Variants in UBE2E2 observed in about 807,000 individuals in gnomAD.
UBE2E2 encodes ubiquitin conjugating enzyme E2 E2, also known as ubiquitin-conjugating enzyme E2 E2.
In UBE2E2, 6 loss-of-function variants were observed where a neutral mutation model predicts 24.7. The observed-to-expected ratio is 0.24, with a 90% CI of 0.13 to 0.48. UBE2E2 has a LOEUF of 0.48. UBE2E2 is among the 20% of genes least tolerant of loss of function. The pLI, the probability that UBE2E2 is intolerant of heterozygous loss-of-function variation, is 0.99. For missense variants in UBE2E2, 169 were observed against 245.0 expected, an observed-to-expected ratio of 0.69 and a Z score of 2.07; for synonymous variants, 104 against 83.6, an observed-to-expected ratio of 1.24 and a Z score of -1.33.
chr3:23,466,730 G>A (rs1230011089), intron 3 of UBE2E2, among the ~76,000 whole-genome samples: 1 of 151,892 alleles, frequency 6.6e-6, no homozygotes, highest in East Asian at 1.9e-4. Flanking sequence ...ACCACCCTCA[G>A]CTAATTTTTT....
intron 3 of UBE2E2, chr3:23,270,936 C>T (rs1013747565): frequency 2.2e-5 from 10 of 456,596 alleles, no homozygotes; most frequent in African/African-American, 1.8e-4. Context: ...AGTTTATACT[C>T]CATTTGTTAA....
chr3:23,410,542 G>A (rs909933539), intron 3 of UBE2E2, among the ~76,000 whole-genome samples: 2 of 151,984 alleles, frequency 1.3e-5, no homozygotes, highest in East Asian at 1.9e-4. Flanking sequence ...TGAGGATTAG[G>A]GTTGAATAAT....
intron 4 of UBE2E2, among the ~76,000 whole-genome samples, chr3:23,525,599 A>G (rs1163099538): frequency 2.0e-5 from 3 of 152,248 alleles, no homozygotes; most frequent in Non-Finnish European, 4.4e-5. Flanking sequence ...CATTGTAAAC[A>G]TCAGTTATTG....
rs1559459151 is a variant in UBE2E2 at position 23,257,526 on chromosome 3, CCCACTT to C, written c.227+40215_227+40220del. On this transcript the variant is annotated intron_variant, in intron 3 of 5. Coordinates refer to ENST00000396703, the MANE Select transcript of UBE2E2 (RefSeq NM_152653.4). ...CTGTTTCCCGTGCCCCCCCCCCCCC[CCCACTT>C]TTTTTTTTTTTTTTTTTTTTTTAAG... Among the ~76,000 whole-genome samples the C allele has an allele frequency of 3.1e-3, 57 of 18,564 alleles. 1 individual carries two copies. Among genetic ancestry groups the C allele is most frequent in the African/African-American group, 7.0e-3 (35 of 5,000 alleles). The allele number at this position is 18,564 out of a possible 152,430, so 12.2% of individuals were successfully genotyped here.
chr3:23,319,569 G>A (rs536966595), intron 3 of UBE2E2, among the ~76,000 whole-genome samples: 14 of 152,160 alleles, frequency 9.2e-5, no homozygotes, highest in Middle Eastern at 6.8e-3. Context: ...GGTGGCTCAC[G>A]CCTGTAATCT....
intron 3 of UBE2E2, among the ~76,000 whole-genome samples, chr3:23,248,071 CA>C (rs1559455124): frequency 6.6e-6 from 1 of 152,244 alleles, no homozygotes; most frequent in Non-Finnish European, 1.5e-5. Flanking sequence ...ATTTCGTCCT[CA>C]TTTTTCACTA....
At chr3:23,493,884 A>G (rs1032603945) in intron 3 of UBE2E2, among the ~76,000 whole-genome samples, 13 of 152,212 alleles carry the variant, frequency 8.5e-5, no homozygotes, top group African/African-American at 2.9e-4. Flanking sequence ...AGCGTGTAAC[A>G]GCAAGCACAA....
chr3:23,580,416 G>A (rs748408123), intron 5 of UBE2E2, among the ~76,000 whole-genome samples: 3 of 152,166 alleles, frequency 2.0e-5, no homozygotes, highest in African/African-American at 4.8e-5. Flanking sequence ...AAAAGATTAC[G>A]ACTTACTGAA....
intron 3 of UBE2E2, among the ~76,000 whole-genome samples, chr3:23,464,490 G>A (rs978531862): frequency 8.5e-5 from 13 of 152,156 alleles, no homozygotes; most frequent in Middle Eastern, 3.4e-3. Flanking sequence ...AATAAGAATA[G>A]GGGAGATATA....
intron 3 of UBE2E2, among the ~76,000 whole-genome samples, chr3:23,348,450 C>G (rs989029949): frequency 5.3e-5 from 8 of 149,752 alleles, no homozygotes; most frequent in African/African-American, 2.0e-4. Context: ...AGATTTTTTT[C>G]TTTTTCAAAG....
intron 3 of UBE2E2, among the ~76,000 whole-genome samples, chr3:23,342,744 C>T (rs1404984567): frequency 6.6e-6 from 1 of 152,100 alleles, no homozygotes; most frequent in African/African-American, 2.4e-5. Context: ...GTATTAGCAT[C>T]ACCCTGCGTT....
chr3:23,264,971 A>G (rs1035493995), intron 3 of UBE2E2, among the ~76,000 whole-genome samples: 2 of 152,202 alleles, frequency 1.3e-5, no homozygotes, highest in Admixed American at 6.5e-5. Context: ...ATTTCCAGAC[A>G]AGTCTTGTGT....
chr3:23,390,809 A>G (rs1348122019), intron 3 of UBE2E2, among the ~76,000 whole-genome samples: 2 of 152,242 alleles, frequency 1.3e-5, no homozygotes, highest in Non-Finnish European at 2.9e-5. Flanking sequence ...AAAGGGGTCA[A>G]GGGAACTCTC....
chr3:23,390,399 A>C (rs1696907396), intron 3 of UBE2E2, among the ~76,000 whole-genome samples: 1 of 152,330 alleles, frequency 6.6e-6, no homozygotes, highest in African/African-American at 2.4e-5. Flanking sequence ...AGTTGAGACA[A>C]CATGGCTTCA....
chr3:23,345,774 T>A (rs1575575042), intron 3 of UBE2E2, among the ~76,000 whole-genome samples: 1 of 152,210 alleles, frequency 6.6e-6, no homozygotes, highest in African/African-American at 2.4e-5. Flanking sequence ...TCACAGTCCT[T>A]GGAGAAATTG....
At chr3:23,524,340 A>G (rs1694942003) in intron 4 of UBE2E2, among the ~76,000 whole-genome samples, 1 of 152,132 alleles carries the variant, frequency 6.6e-6, no homozygotes, top group Non-Finnish European at 1.5e-5. Context: ...TAATCTTATA[A>G]CTAGTAACTA....
intron 3 of UBE2E2, among the ~76,000 whole-genome samples, chr3:23,252,284 G>T (rs1410657493): frequency 6.6e-6 from 1 of 151,926 alleles, no homozygotes; most frequent in Non-Finnish European, 1.5e-5. Flanking sequence ...TGTGTATGAT[G>T]GTGTGAGTTA....
At chr3:23,224,494 T>C (rs1696761134) in intron 3 of UBE2E2, among the ~76,000 whole-genome samples, 1 of 152,056 alleles carries the variant, frequency 6.6e-6, no homozygotes, top group Non-Finnish European at 1.5e-5. Flanking sequence ...CTGATTTTTG[T>C]GTGTTGATTT....
chr3:23,477,037 C>T (rs916586312), intron 3 of UBE2E2, among the ~76,000 whole-genome samples: 1 of 152,076 alleles, frequency 6.6e-6, no homozygotes, highest in African/African-American at 2.4e-5. Context: ...ACAAAATTAT[C>T]ATTTTAAAAT....
Sources: allele counts gnomAD v4.1 joint callset (sites outside exome capture counted in the v4.1 genomes callset), GRCh38; gene constraint gnomAD v4.1.1; transcripts MANE v1.5; gene names NCBI Gene and HGNC (gene_info 2026-07-23, HGNC 2026-07-21).